The following FOXP2 variants were observed in gnomAD, a reference collection of about 807,000 sequenced individuals.
FOXP2 encodes forkhead box protein P2.
A neutral mutation model predicts 115.8 loss-of-function variants in FOXP2; 12 were observed. The ratio of observed to expected loss-of-function variants is 0.10; its 90% CI spans 0.07 to 0.17. The LOEUF is 0.17. Ranked by LOEUF, FOXP2 falls within the 10% of genes least tolerant of loss-of-function variation. FOXP2 has a pLI of 1.00. For synonymous variants in FOXP2, 328 were observed against 297.7 expected (o/e 1.10, Z -1.05); for missense variants, 629 against 843.5 (o/e 0.75, Z 3.15).
At chr7:114,552,143 A>G (rs1800239694) in intron 3 of FOXP2, among the ~76,000 whole-genome samples, 1 of 152,182 alleles carries the variant, frequency 6.6e-6, no homozygotes, top group Non-Finnish European at 1.5e-5. Flanking sequence ...ATGTAGTTTC[A>G]TATTTTGTAG....
intron 2 of FOXP2, among the ~76,000 whole-genome samples, chr7:114,403,295 C>T (rs557613965): frequency 1.9e-4 from 29 of 152,286 alleles, no homozygotes; most frequent in African/African-American, 6.7e-4. Context: ...AACTGCATCA[C>T]AGCAAACAAA....
intron 10 of FOXP2, 97 bp from the exon 11 acceptor site, chr7:114,657,969 C>CAGCTG: frequency 2.3e-6 from 3 of 1,318,918 alleles, no homozygotes; most frequent in Non-Finnish European, 3.3e-6. Context: ...AGTGGCAACA[C>CAGCTG]AGCTGTAGAA....
intron 2 of FOXP2, among the ~76,000 whole-genome samples, chr7:114,336,342 G>A (rs1434341395): frequency 5.3e-5 from 8 of 150,876 alleles, no homozygotes; most frequent in Admixed American, 2.0e-4. Context: ...TTATCTTAAC[G>A]ACATCCCCAA....
At chr7:114,155,171 A>G (rs1391575586) in intron 1 of FOXP2, among the ~76,000 whole-genome samples, 3 of 152,136 alleles carry the variant, frequency 2.0e-5, no homozygotes, top group African/African-American at 7.2e-5. Context: ...AAATAAAATT[A>G]TAAGACCCCC....
chr7:114,344,388 G>A (rs1218772990), intron 2 of FOXP2, among the ~76,000 whole-genome samples: 4 of 151,780 alleles, frequency 2.6e-5, no homozygotes, highest in South Asian at 2.1e-4. Flanking sequence ...ACAGCACAGC[G>A]CTCCTTAGCA....
chr7:114,353,253 C>T (rs937477355), intron 2 of FOXP2, among the ~76,000 whole-genome samples: 4 of 151,124 alleles, frequency 2.6e-5, no homozygotes, highest in Admixed American at 2.0e-4. Flanking sequence ...ATGATCTTCT[C>T]CAGGGCTCCC....
intron 3 of FOXP2, among the ~76,000 whole-genome samples, chr7:114,593,976 A>G (rs1442969342): frequency 2.6e-5 from 4 of 152,054 alleles, no homozygotes; most frequent in South Asian, 2.1e-4. Context: ...TTCCGTGTCT[A>G]TATTGGAAGC....
chr7:114,366,649 AAT>A (rs1172581913), intron 2 of FOXP2: 2 of 152,148 alleles, frequency 1.3e-5, no homozygotes, highest in African/African-American at 2.4e-5. Flanking sequence ...AGGTGAGTGG[AAT>A]ATGTTTTATG....
At chr7:114,171,678 G>C (rs891901040) in intron 1 of FOXP2, among the ~76,000 whole-genome samples, 1 of 152,148 alleles carries the variant, frequency 6.6e-6, no homozygotes, top group Admixed American at 6.6e-5. Flanking sequence ...ATTCCATAGC[G>C]CACAGATCAA....
intron 3 of FOXP2, among the ~76,000 whole-genome samples, chr7:114,574,667 T>C (rs896501294): frequency 2.0e-5 from 3 of 151,916 alleles, no homozygotes; most frequent in African/African-American, 7.2e-5. Flanking sequence ...AGTAATCTTA[T>C]TGTTAGTGTT....
At chr7:114,272,695 A>C (rs1487191509) in intron 1 of FOXP2, among the ~76,000 whole-genome samples, 1 of 151,796 alleles carries the variant, frequency 6.6e-6, no homozygotes, top group Non-Finnish European at 1.5e-5. Flanking sequence ...TCAGACTTTC[A>C]TCCATTAGGG....
intron 1 of FOXP2, among the ~76,000 whole-genome samples, chr7:114,131,745 C>A (rs571098976): frequency 6.6e-6 from 1 of 152,212 alleles, no homozygotes; most frequent in Admixed American, 6.6e-5. Context: ...CATACACATT[C>A]TCATAAAAAG....
chr7:114,474,033 C>T (rs1373709083), intron 2 of FOXP2, among the ~76,000 whole-genome samples: 1 of 152,138 alleles, frequency 6.6e-6, no homozygotes, highest in Non-Finnish European at 1.5e-5. Context: ...TTTCACCACC[C>T]TTCTTTAAAG....
chr7:114,086,635 G>A (rs1188268696), upstream of FOXP2: 4 of 388,360 alleles, frequency 1.0e-5, no homozygotes, highest in Non-Finnish European at 2.0e-5. Flanking sequence ...CCCTCACTCT[G>A]GCGCGCTACA....
intron 2 of FOXP2, among the ~76,000 whole-genome samples, chr7:114,508,614 C>T (rs1449642659): frequency 6.6e-6 from 1 of 151,746 alleles, no homozygotes; most frequent in Non-Finnish European, 1.5e-5. Context: ...CTTTAAGACC[C>T]CATCCTCACT....
intron 2 of FOXP2, among the ~76,000 whole-genome samples, chr7:114,302,573 T>G (rs1796904260): frequency 6.6e-6 from 1 of 152,182 alleles, no homozygotes; most frequent in Admixed American, 6.6e-5. Flanking sequence ...GAATCTGTAA[T>G]TTTAACCTAT....
intron 1 of FOXP2, among the ~76,000 whole-genome samples, chr7:114,262,493 A>G (rs1391510934): frequency 6.6e-6 from 1 of 152,170 alleles, no homozygotes; most frequent in Non-Finnish European, 1.5e-5. Context: ...ATACCCAGGT[A>G]ACAAACCTGC....
intron 1 of FOXP2, among the ~76,000 whole-genome samples, chr7:114,418,303 G>A (rs1335966954): frequency 6.6e-6 from 1 of 152,042 alleles, no homozygotes; most frequent in East Asian, 1.9e-4. Flanking sequence ...TGCAGGACTG[G>A]TGAGAGGGAA....
intron 1 of FOXP2, among the ~76,000 whole-genome samples, chr7:114,219,647 A>G (rs548162676): frequency 1.5e-3 from 229 of 152,140 alleles, no homozygotes; most frequent in South Asian, 5.0e-3. Flanking sequence ...TTGCATGTAT[A>G]ACATATCTAC....
Sources: gnomAD v4.1 joint callset for allele counts (sites outside exome capture counted in the v4.1 genomes callset) on GRCh38, gnomAD v4.1.1 for gene constraint, MANE v1.5 for transcripts, NCBI Gene and HGNC (gene_info 2026-07-23, HGNC 2026-07-21) for gene names.